Variants in ZMYM2 observed in about 807,000 individuals in gnomAD.
The protein encoded by ZMYM2 is zinc finger MYM-type protein 2.
ZMYM2 carries 56 observed loss-of-function variants against 162.8 expected under a neutral mutation model. The ratio of observed to expected loss-of-function variants is 0.34; its 90% CI spans 0.28 to 0.43. The LOEUF is 0.43. Among genes scored for constraint, ZMYM2 ranks in the 20% least tolerant of loss-of-function variants. ZMYM2 has a pLI of 1.00. For synonymous variants in ZMYM2, 510 were observed against 541.6 expected, an observed-to-expected ratio of 0.94 and a Z score of 0.81; for missense variants, 1,275 against 1,621.8, an observed-to-expected ratio of 0.79 and a Z score of 3.67.
chr13:19,910,427 G>A, the ZMYM2 span, among the ~76,000 whole-genome samples: 5 of 152,034 alleles, frequency 3.3e-5, no homozygotes, highest in African/African-American at 4.8e-5. Flanking sequence ...GAAGGGAAAG[G>A]ATTCAAAAGC....
intron 2 of ZMYM2, among the ~76,000 whole-genome samples, chr13:19,979,958 A>G (rs1218996540): frequency 2.0e-5 from 3 of 152,200 alleles, no homozygotes; most frequent in Non-Finnish European, 2.9e-5. Flanking sequence ...CATTTCGCCT[A>G]AAGTCTCTGT....
chr13:20,038,614 T>C (rs1272732949), intron 12 of ZMYM2, among the ~76,000 whole-genome samples: 1 of 152,190 alleles, frequency 6.6e-6, no homozygotes, highest in African/African-American at 2.4e-5. Flanking sequence ...CTCTCTATTC[T>C]GTTCCATTGG....
chr13:20,036,190 TTATG>T (rs1308868828), intron 11 of ZMYM2, among the ~76,000 whole-genome samples: 1 of 152,142 alleles, frequency 6.6e-6, no homozygotes, highest in African/African-American at 2.4e-5. Flanking sequence ...CTTAATGCGT[TTATG>T]TAGTAGAAAA....
the ZMYM2 span, among the ~76,000 whole-genome samples, chr13:19,866,667 A>C: frequency 6.6e-6 from 1 of 152,200 alleles, no homozygotes; most frequent in Non-Finnish European, 1.5e-5. Flanking sequence ...TCCGTCTCAA[A>C]AACTAACTAA....
At chr13:20,029,801 A>AT (rs971367868) in intron 9 of ZMYM2, among the ~76,000 whole-genome samples, 2,220 of 146,478 alleles carry the variant, frequency 0.015, 54 homozygotes, top group African/African-American at 0.046. Context: ...TATTCTGTAA[A>AT]TTTTTTTTTT....
intron 21 of ZMYM2, chr13:20,070,778 G>A (rs1008531237): frequency 9.8e-5 from 15 of 152,430 alleles, no homozygotes; most frequent in African/African-American, 3.6e-4. Context: ...CTAAGTGCTG[G>A]GATTACATGC....
chr13:20,028,650 C>T (rs1952793678), intron 9 of ZMYM2, among the ~76,000 whole-genome samples: 1 of 152,116 alleles, frequency 6.6e-6, no homozygotes, highest in South Asian at 2.1e-4. Flanking sequence ...TTGCATGTAA[C>T]CTACAGTGCA....
chr13:20,073,146 G>T (rs1030515854), intron 21 of ZMYM2, among the ~76,000 whole-genome samples: 1 of 152,090 alleles, frequency 6.6e-6, no homozygotes, highest in Non-Finnish European at 1.5e-5. Context: ...GACCTCAAGT[G>T]ATCCGCCTGC....
At chr13:19,871,817 A>G in the ZMYM2 span, among the ~76,000 whole-genome samples, 7 of 152,288 alleles carry the variant, frequency 4.6e-5, no homozygotes, top group East Asian at 9.6e-4. Flanking sequence ...TTCTCAACAA[A>G]TATTAAAGAA....
At chr13:20,023,374 G>T (rs1952288628) in intron 7 of ZMYM2, among the ~76,000 whole-genome samples, 1 of 152,146 alleles carries the variant, frequency 6.6e-6, no homozygotes, top group Admixed American at 6.5e-5. Flanking sequence ...TTCCCATGTG[G>T]TCTACTTGAT....
chr13:19,980,077 ATTC>A (rs1447726410), intron 2 of ZMYM2, among the ~76,000 whole-genome samples: 5 of 151,952 alleles, frequency 3.3e-5, no homozygotes, highest in African/African-American at 7.2e-5. Context: ...AATGTTCGGT[ATTC>A]TTGTAATTTA....
intron 2 of ZMYM2, among the ~76,000 whole-genome samples, chr13:19,970,723 A>G (rs1477828063): frequency 1.3e-5 from 2 of 152,148 alleles, no homozygotes; most frequent in Non-Finnish European, 2.9e-5. Flanking sequence ...GTAAGGCAAT[A>G]AGAGCATAGG....
chr13:20,023,082 A>T (rs1952259380), intron 7 of ZMYM2, among the ~76,000 whole-genome samples: 1 of 152,242 alleles, frequency 6.6e-6, no homozygotes, highest in Admixed American at 6.5e-5. Flanking sequence ...ACTAAGAATG[A>T]TATAAAAATT....
At chr13:19,868,910 C>G in the ZMYM2 span, among the ~76,000 whole-genome samples, 4 of 152,120 alleles carry the variant, frequency 2.6e-5, no homozygotes, top group Non-Finnish European at 5.9e-5. Flanking sequence ...GCCACCATGC[C>G]TGGCTAATTT....
chr13:19,950,529 A>C, the ZMYM2 span, among the ~76,000 whole-genome samples: 3 of 152,202 alleles, frequency 2.0e-5, no homozygotes, highest in Admixed American at 1.3e-4. Context: ...TGTTCAAATA[A>C]GGCAAACGCT....
Position 19,993,150 on chromosome 13 carries a change from T to C in ZMYM2, c.78T>C (p.Thr26=). The part of the protein sequence containing the change: ...PVLLGSTAMA[T]SLTNVGNSFS... ...TATTAGGGAGTACGGCCATGGCAAC[T>C]AGTCTCACGAATGTAGGAAACTCAT... Residue 26 remains threonine, a synonymous_variant, in exon 3 of 25, where the codon ACT becomes ACC. Coordinates refer to ENST00000610343, the MANE Select transcript of ZMYM2 (RefSeq NM_197968.4). The C allele has an allele frequency of 6.2e-7, 1 of 1,614,134 alleles. No homozygotes were observed. The highest frequency in any genetic ancestry group is 8.5e-7 in the Non-Finnish European group (1 of 1,180,010).
At position 19,993,365 on chromosome 13, in the gene ZMYM2, A is replaced by C; in HGVS notation, c.293A>C (p.Lys98Thr). The C allele has an allele frequency of 6.2e-7, 1 of 1,613,736 alleles. No homozygotes were observed. The highest frequency in any genetic ancestry group is 8.5e-7 in the Non-Finnish European group (1 of 1,179,802). ...GAAGAACTACAAGGAAATGATTCCAAAATTACTCCTTCCTCAAAAGAGTTG... is the reference window on the plus strand; with the variant it reads ...GAAGAACTACAAGGAAATGATTCCACAATTACTCCTTCCTCAAAAGAGTTG... Reference protein sequence around the residue: ...KNEELQGNDSKITPSSKELAS... With the variant: ...KNEELQGNDSTITPSSKELAS... Residue 98 changes from lysine (K) to threonine (T), a missense_variant, in exon 3 of 25, where the codon AAA becomes ACA. By Grantham distance (78) the Lys-to-Thr change is moderately conservative. Around this residue, in one of 10 missense-constraint regions of ZMYM2, gnomAD observed 295 missense variants for 286.7 expected, o/e 1.03. Transcript: ENST00000610343.
At chr13:19,958,234 C>T (rs1007936431), upstream of ZMYM2, among the ~76,000 whole-genome samples, 1 of 152,214 alleles carries the variant, frequency 6.6e-6, no homozygotes, top group African/African-American at 2.4e-5. Flanking sequence ...GGCCTTCAAG[C>T]AACTGGACAG....
chr13:19,867,098 A>G, the ZMYM2 span, among the ~76,000 whole-genome samples: 171 of 152,326 alleles, frequency 1.1e-3, no homozygotes, highest in African/African-American at 4.0e-3. Flanking sequence ...CACGCCTGTA[A>G]TCCCAGCACT....
Sources: allele counts gnomAD v4.1 joint callset (sites outside exome capture counted in the v4.1 genomes callset), GRCh38; gene constraint gnomAD v4.1.1; regional missense constraint gnomAD v4.1.1; transcripts MANE v1.5; gene names NCBI Gene and HGNC (gene_info 2026-07-23, HGNC 2026-07-21).